The following ERC1 variants were observed in gnomAD, a reference collection of about 807,000 sequenced individuals.
ERC1 encodes the protein RAB6 interacting protein 2.
A neutral mutation model predicts 132.0 loss-of-function variants in ERC1; 56 were observed. The observed-to-expected ratio is 0.42, with a 90% CI of 0.34 to 0.53. The LOEUF is 0.53. Ranked by LOEUF, ERC1 falls within the 20% of genes least tolerant of loss-of-function variation. The probability of loss-of-function intolerance (pLI) is 0.03; values close to 1 mark genes in which losing one functional copy is unlikely to be tolerated. For missense variants in ERC1, 1,202 were observed against 1,349.9 expected (o/e 0.89, Z 1.72); for synonymous variants, 478 against 476.1 (o/e 1.00, Z -0.05).
intron 8 of ERC1, among the ~76,000 whole-genome samples, chr12:1,180,252 GAT>G (rs1491483546): frequency 2.4e-5 from 3 of 123,358 alleles, no homozygotes; most frequent in Non-Finnish European, 4.9e-5. Context: ...TTTTGTTAGG[GAT>G]GTGTGTGTGT....
intron 18 of ERC1, among the ~76,000 whole-genome samples, chr12:1,458,468 CTGTG>C (rs1487698844): frequency 1.3e-5 from 2 of 151,064 alleles, no homozygotes; most frequent in East Asian, 1.9e-4. Flanking sequence ...TTAGATTTCT[CTGTG>C]TGTATGTGTG....
At chr12:1,146,467 G>C (rs1312086749) in intron 8 of ERC1, among the ~76,000 whole-genome samples, 1 of 151,666 alleles carries the variant, frequency 6.6e-6, no homozygotes, top group Admixed American at 6.6e-5. Flanking sequence ...ATCAGATCTA[G>C]GAGCTTTTGG....
At chr12:1,359,515 C>T (rs540384898) in intron 15 of ERC1, among the ~76,000 whole-genome samples, 111 of 152,168 alleles carry the variant, frequency 7.3e-4, no homozygotes, top group Middle Eastern at 3.4e-3. Context: ...TGTCATCCCA[C>T]GGTGGAAGGG....
At position 1,116,835 on chromosome 12, in the gene ERC1, C is replaced by T. The variant is rs932400226; in HGVS notation, c.1569+802C>T. 1.2e-4 allele frequency among the ~76,000 whole-genome samples: 18 copies of T among 152,172 alleles called. 1 individual carries two copies. The highest frequency in any genetic ancestry group is 1.2e-3 in the Admixed American group (18 of 15,278). ...TGACCTCTTGATCCGCCCGCCTCTG[C>T]CTCCCAAAGTGCTGGGATTACAGGC... On this transcript the variant is annotated intron_variant, in intron 7 of 18. Transcript: ENST00000360905.
intron 15 of ERC1, among the ~76,000 whole-genome samples, chr12:1,331,310 TCATGTTTTTA>T (rs2082844280): frequency 6.6e-6 from 1 of 152,242 alleles, no homozygotes; most frequent in Non-Finnish European, 1.5e-5. Context: ...TGAGTTTTAC[TCATGTTTTTA>T]CATGTAGCCA....
At chr12:1,309,987 G>A (rs1015246216) in intron 15 of ERC1, among the ~76,000 whole-genome samples, 7 of 150,788 alleles carry the variant, frequency 4.6e-5, no homozygotes, top group South Asian at 2.1e-4. Context: ...TCGTGCTGTC[G>A]CCCAGGCTGG....
intron 12 of ERC1, among the ~76,000 whole-genome samples, chr12:1,200,854 G>A (rs1956851243): frequency 1.3e-5 from 2 of 152,010 alleles, no homozygotes; most frequent in South Asian, 2.1e-4. Context: ...CACTGCACCC[G>A]GCCCACATTT....
rs149794665 is a variant in ERC1, at chr12:1,066,720, C to T, written c.670-16444C>T. ...GGTGTGGTGGTAGGTGCCTGTAATCCCAACTATTCAGGAGGCTGAGGCAGG... is the reference window on the plus strand; with the variant it reads ...GGTGTGGTGGTAGGTGCCTGTAATCTCAACTATTCAGGAGGCTGAGGCAGG... On this transcript the variant is annotated intron_variant, in intron 2 of 18. Transcript: ENST00000360905. Among the ~76,000 whole-genome samples the T allele has an allele frequency of 5.5e-3, 830 of 151,584 alleles. 2 individuals are homozygous for T. Among genetic ancestry groups the T allele is most frequent in the Admixed American group, 8.8e-3 (134 of 15,218 alleles).
intron 15 of ERC1, among the ~76,000 whole-genome samples, chr12:1,371,193 T>C (rs2087182526): frequency 8.9e-6 from 1 of 112,790 alleles, no homozygotes; most frequent in South Asian, 2.6e-4. Context: ...AACTCCCCAT[T>C]TCCCCCTCTC....
chr12:1,354,214 T>G (rs1005564151), intron 15 of ERC1, among the ~76,000 whole-genome samples: 3 of 152,068 alleles, frequency 2.0e-5, no homozygotes, highest in Non-Finnish European at 2.9e-5. Context: ...TTCATAAGGT[T>G]GATGTAAAGA....
At chr12:1,346,429 C>T (rs952043807) in intron 15 of ERC1, among the ~76,000 whole-genome samples, 2 of 152,186 alleles carry the variant, frequency 1.3e-5, no homozygotes. Flanking sequence ...TATCACCTCA[C>T]TTCTGAATTG....
chr12:1,438,085 T>A (rs2092995605), intron 17 of ERC1, among the ~76,000 whole-genome samples: 1 of 152,216 alleles, frequency 6.6e-6, no homozygotes, highest in African/African-American at 2.4e-5. Context: ...TAGTGGTAAC[T>A]GAATTATATG....
intron 15 of ERC1, among the ~76,000 whole-genome samples, chr12:1,298,250 C>A (rs962557188): frequency 4.0e-4 from 60 of 151,788 alleles, no homozygotes; most frequent in African/African-American, 1.4e-3. Flanking sequence ...TTTTAAAAAC[C>A]CTGAAGAGCG....
At chr12:1,312,807 G>A (rs970747092) in intron 15 of ERC1, among the ~76,000 whole-genome samples, 1 of 152,014 alleles carries the variant, frequency 6.6e-6, no homozygotes, top group Non-Finnish European at 1.5e-5. Flanking sequence ...TCTTTCATGA[G>A]TTGAGCTTGT....
chr12:1,011,280 C>A (rs1020989969), intron 1 of ERC1, among the ~76,000 whole-genome samples: 1 of 152,214 alleles, frequency 6.6e-6, no homozygotes, highest in Admixed American at 6.5e-5. Context: ...CTCACTCTCA[C>A]AGCAGCCTTG....
intron 12 of ERC1, among the ~76,000 whole-genome samples, chr12:1,219,335 C>T (rs79951315): frequency 0.023 from 3,516 of 152,140 alleles, 56 homozygotes; most frequent in East Asian, 0.074. Context: ...TTGATCTGGC[C>T]CACCTTTTTC....
chr12:1,325,088 G>A (rs2082357774), intron 15 of ERC1, among the ~76,000 whole-genome samples: 2 of 152,168 alleles, frequency 1.3e-5, no homozygotes, highest in South Asian at 4.1e-4. Flanking sequence ...TGATGACTCA[G>A]CGTTCCTTAT....
At chr12:1,208,502 A>G (rs1223541113) in intron 12 of ERC1, among the ~76,000 whole-genome samples, 1 of 152,226 alleles carries the variant, frequency 6.6e-6, no homozygotes, top group African/African-American at 2.4e-5. Context: ...TGTGACATCT[A>G]GAGATGACAT....
intron 8 of ERC1, among the ~76,000 whole-genome samples, chr12:1,156,303 A>G (rs1055268164): frequency 1.3e-5 from 2 of 151,816 alleles, no homozygotes; most frequent in African/African-American, 2.4e-5. Context: ...CAGTGGTGCA[A>G]TCTTAGCTCA....
Sources: allele counts gnomAD v4.1 joint callset (sites outside exome capture counted in the v4.1 genomes callset), GRCh38; gene constraint gnomAD v4.1.1; transcripts MANE v1.5; gene names NCBI Gene and HGNC (gene_info 2026-07-23, HGNC 2026-07-21).